PRKG1: variants seen among roughly 807,000 people sequenced by gnomAD.
The protein encoded by PRKG1 is protein kinase cGMP-dependent 1, also known as cGMP-dependent protein kinase 1.
Under a neutral mutation model 88.1 loss-of-function variants are expected in PRKG1, and 35 were observed. The ratio of observed to expected loss-of-function variants is 0.40; its 90% confidence interval spans 0.30 to 0.53. PRKG1 has a LOEUF of 0.53. Among genes scored for constraint, PRKG1 ranks in the 20% least tolerant of loss-of-function variants. PRKG1 has a pLI of 0.59. For missense variants in PRKG1, 540 were observed against 839.8 expected (o/e 0.64, Z 4.41); for synonymous variants, 303 against 292.5 (o/e 1.04, Z -0.37).
chr10:51,760,271 C>G (rs112310895), intron 3 of PRKG1, among the ~76,000 whole-genome samples: 1 of 152,102 alleles, frequency 6.6e-6, no homozygotes, highest in Admixed American at 6.5e-5. Context: ...TTTTCTCAGG[C>G]TATCACTGAC....
chr10:51,271,579 C>T (rs1839981748), intron 2 of PRKG1, among the ~76,000 whole-genome samples: 1 of 152,160 alleles, frequency 6.6e-6, no homozygotes, highest in South Asian at 2.1e-4. Flanking sequence ...ATGGCTTTTA[C>T]TCTCACAGAA....
intron 7 of PRKG1, among the ~76,000 whole-genome samples, chr10:52,063,166 A>G (rs1186909691): frequency 1.3e-5 from 2 of 152,132 alleles, no homozygotes; most frequent in Non-Finnish European, 2.9e-5. Context: ...CCTGGTTCCC[A>G]CATCTTCAAG....
chr10:51,888,129 T>C (rs563077014), intron 4 of PRKG1, among the ~76,000 whole-genome samples: 1 of 152,280 alleles, frequency 6.6e-6, no homozygotes, highest in African/African-American at 2.4e-5. Flanking sequence ...GATGGTATTA[T>C]GGGTATAGGC....
chr10:52,244,827 T>TATATTTAAAC (rs1564530337), intron 9 of PRKG1, among the ~76,000 whole-genome samples: 125 of 84,866 alleles, frequency 1.5e-3, no homozygotes, highest in African/African-American at 3.9e-3. Context: ...TATATTTAAA[T>TATATTTAAAC]ATACTTTAAT....
At chr10:52,202,695 T>A (rs1476597864) in intron 9 of PRKG1, among the ~76,000 whole-genome samples, 1 of 152,090 alleles carries the variant, frequency 6.6e-6, no homozygotes, top group Non-Finnish European at 1.5e-5. Context: ...TATTACTGAT[T>A]TAATTTTGGA....
intron 9 of PRKG1, among the ~76,000 whole-genome samples, chr10:52,243,645 A>G (rs532338432): frequency 6.6e-6 from 1 of 152,312 alleles, no homozygotes; most frequent in Non-Finnish European, 1.5e-5. Flanking sequence ...GTGTTTAATT[A>G]TTGAAACCAA....
chr10:51,686,201 G>T (rs996792388), intron 3 of PRKG1, among the ~76,000 whole-genome samples: 1 of 152,072 alleles, frequency 6.6e-6, no homozygotes, highest in Non-Finnish European at 1.5e-5. Flanking sequence ...TGTTATACAG[G>T]TAAACTGCGT....
chr10:51,107,924 T>C (rs947299273), intron 1 of PRKG1, among the ~76,000 whole-genome samples: 4 of 151,574 alleles, frequency 2.6e-5, no homozygotes, highest in Non-Finnish European at 5.9e-5. Context: ...ATTTTACAAA[T>C]TTCACAGATA....
At chr10:51,515,196 A>G (rs938716757) in intron 3 of PRKG1, among the ~76,000 whole-genome samples, 1 of 152,244 alleles carries the variant, frequency 6.6e-6, no homozygotes, top group Non-Finnish European at 1.5e-5. Flanking sequence ...TTTAGGTTAC[A>G]TTAACAACCA....
At chr10:51,427,308 T>C (rs952023133) in intron 2 of PRKG1, among the ~76,000 whole-genome samples, 2 of 152,184 alleles carry the variant, frequency 1.3e-5, no homozygotes, top group Non-Finnish European at 2.9e-5. Context: ...CAAACGCTGA[T>C]GCTAAGTCTT....
At chr10:51,749,280 A>G (rs1386307535) in intron 3 of PRKG1, among the ~76,000 whole-genome samples, 2 of 152,216 alleles carry the variant, frequency 1.3e-5, no homozygotes, top group African/African-American at 2.4e-5. Flanking sequence ...ACAAAATACT[A>G]TAAACTAGGT....
chr10:51,766,558 A>G lies in PRKG1; in HGVS notation c.593-38027A>G, dbSNP rs552459787. Among the ~76,000 whole-genome samples, 137 of 152,258 alleles carry G rather than the reference A, an allele frequency of 9.0e-4. 5 individuals are homozygous for G. In the South Asian group the frequency reaches 0.027, roughly 30 times the overall value. On this transcript the variant is annotated intron_variant, in intron 3 of 17. Coordinates refer to ENST00000373980, the MANE Select transcript of PRKG1 (RefSeq NM_006258.4). The stretch of plus-strand genomic sequence containing the variant: ...TTTTTCAGGCTGTTTTTTGTTTGAA[A>G]TAATTTTACTGAGGACCCACACTAA...
intron 3 of PRKG1, among the ~76,000 whole-genome samples, chr10:51,778,580 G>GA (rs1838502574): frequency 6.6e-6 from 1 of 152,158 alleles, no homozygotes; most frequent in Non-Finnish European, 1.5e-5. Context: ...TTTAAAGAGT[G>GA]AATTATTCTT....
chr10:52,080,304 T>A (rs529230107), intron 7 of PRKG1, among the ~76,000 whole-genome samples: 15 of 152,310 alleles, frequency 9.8e-5, no homozygotes, highest in African/African-American at 3.6e-4. Flanking sequence ...CATGATGTTT[T>A]TTTCATGAGT....
At chr10:51,233,538 G>A (rs1222113484) in intron 2 of PRKG1, among the ~76,000 whole-genome samples, 1 of 152,156 alleles carries the variant, frequency 6.6e-6, no homozygotes, top group Non-Finnish European at 1.5e-5. Flanking sequence ...AGTAAACATG[G>A]ATGTGTACAC....
In PRKG1 at chr10:51,930,531, T is replaced by C. The variant is rs1187893486; in HGVS notation, c.762+22961T>C. Among the ~76,000 whole-genome samples, 4 of 143,770 alleles carry C rather than the reference T, an allele frequency of 2.8e-5. No homozygotes were observed. The Admixed American group carries it at 2.8e-4, about 10-fold the overall frequency. The allele number at this position is 143,770 out of a possible 152,430, so 94.3% of individuals were successfully genotyped here. A position where few individuals can be genotyped will look rare whatever the true frequency, so the allele number is the denominator to read the frequency against. On this transcript the variant is annotated intron_variant, in intron 5 of 17. Transcript: ENST00000373980. Reference sequence around the variant, plus strand: ...TTTTTTTTTTTGAGACAGAGTCTCGTTCAGGTTACAGTTCAGCGGCATGAC... The same window carrying C: ...TTTTTTTTTTTGAGACAGAGTCTCGCTCAGGTTACAGTTCAGCGGCATGAC...
chr10:51,979,494 G>A (rs1843948563), intron 5 of PRKG1, among the ~76,000 whole-genome samples: 1 of 132,832 alleles, frequency 7.5e-6, no homozygotes, highest in African/African-American at 2.7e-5. Flanking sequence ...GAATGAGTTA[G>A]GGAGGGGTCC....
intron 4 of PRKG1, among the ~76,000 whole-genome samples, chr10:51,890,181 T>G (rs985145114): frequency 6.6e-6 from 1 of 152,232 alleles, no homozygotes; most frequent in Non-Finnish European, 1.5e-5. Context: ...CTAGGGTTTT[T>G]ATGGTTTTAG....
chr10:51,295,029 G>A (rs754211145), intron 2 of PRKG1, among the ~76,000 whole-genome samples: 6 of 152,124 alleles, frequency 3.9e-5, no homozygotes, highest in African/African-American at 7.2e-5. Context: ...GCTGCAGTGA[G>A]CTATGATTGT....
Sources: allele counts gnomAD v4.1 joint callset (sites outside exome capture counted in the v4.1 genomes callset), GRCh38; gene constraint gnomAD v4.1.1; transcripts MANE v1.5; gene names NCBI Gene and HGNC (gene_info 2026-07-23, HGNC 2026-07-21).